The following UBR2 variants were observed in gnomAD, a reference collection of about 807,000 sequenced individuals.
UBR2 encodes E3 ubiquitin-protein ligase UBR2.
In UBR2, 92 loss-of-function variants were observed where a neutral mutation model predicts 247.9. The ratio of observed to expected loss-of-function variants is 0.37; its 90% confidence interval spans 0.31 to 0.44. UBR2 has a LOEUF of 0.44. Ranked by LOEUF, UBR2 falls within the 20% of genes least tolerant of loss-of-function variation. The pLI is 1.00. For missense variants in UBR2, 1,613 were observed against 2,112.6 expected, an observed-to-expected ratio of 0.76 and a Z score of 4.64; for synonymous variants, 672 against 693.5, an observed-to-expected ratio of 0.97 and a Z score of 0.49.
intron 8 of UBR2, among the ~76,000 whole-genome samples, chr6:42,613,017 C>T (rs4472340): frequency 0.25 from 37,501 of 152,040 alleles, 5,039 homozygotes; most frequent in East Asian, 0.45. Context: ...AGGAGAATCA[C>T]TTGAACCCAG....
chr6:42,614,375 T>TATATATCTATGTACGTACATACATAC (rs70990112), intron 8 of UBR2, among the ~76,000 whole-genome samples: 1 of 69,750 alleles, frequency 1.4e-5, no homozygotes, highest in Non-Finnish European at 3.0e-5. Flanking sequence ...TGTGTATGTG[T>TATATATCTATGTACGTACATACATAC]GTATATATGT....
rs377194303 is a variant in UBR2 at position 42,690,761 on chromosome 6, C to T, written c.5127-271C>T. Among the ~76,000 whole-genome samples, 160 of 152,268 alleles carry T rather than the reference C, an allele frequency of 1.1e-3. 1 individual carries two copies. The South Asian group carries it at 0.033, about 31-fold the overall frequency. ...GCCTCTCAACCCAGACCCTCCTTAT[C>T]CCCCGCAACCTCTATTCCCTCACCT... is the stretch of plus-strand genomic sequence containing the variant. On this transcript the variant is annotated intron_variant, in intron 46 of 46. Coordinates refer to ENST00000372901, the MANE Select transcript of UBR2 (RefSeq NM_001363705.2).
chr6:42,669,513 A>G (rs967363368), intron 34 of UBR2, among the ~76,000 whole-genome samples: 1 of 151,600 alleles, frequency 6.6e-6, no homozygotes, highest in African/African-American at 2.4e-5. Context: ...TGCTTTCTAC[A>G]TTGTCTCTGT....
intron 34 of UBR2, among the ~76,000 whole-genome samples, chr6:42,669,538 G>C (rs1369021308): frequency 1.3e-5 from 2 of 151,926 alleles, no homozygotes; most frequent in Non-Finnish European, 2.9e-5. Context: ...CCTGAGTTCT[G>C]TTTCTCTGCT....
intron 11 of UBR2, chr6:42,620,483 T>G (rs1176565740): frequency 1.1e-4 from 8 of 72,552 alleles, no homozygotes; most frequent in Non-Finnish European, 1.8e-4. Context: ...TAAGTGTTGT[T>G]TTTTTTTTTT....
chr6:42,571,340 A>G (rs1270163379), intron 1 of UBR2, among the ~76,000 whole-genome samples: 6 of 152,104 alleles, frequency 3.9e-5, no homozygotes, highest in Non-Finnish European at 5.9e-5. Flanking sequence ...GAATGGGAAC[A>G]TAAAATATAA....
intron 11 of UBR2, among the ~76,000 whole-genome samples, chr6:42,627,394 C>G (rs1462063589): frequency 6.6e-6 from 1 of 152,144 alleles, no homozygotes; most frequent in African/African-American, 2.4e-5. Context: ...GCCATAATTT[C>G]TAATCTAGTG....
At chr6:42,649,586 T>G (rs1458455097) in intron 22 of UBR2, among the ~76,000 whole-genome samples, 1 of 152,238 alleles carries the variant, frequency 6.6e-6, no homozygotes, top group Non-Finnish European at 1.5e-5. Flanking sequence ...TGCAACTTTG[T>G]CAACACTTTA....
At chr6:42,625,978 T>G (rs1021793447) in intron 11 of UBR2, among the ~76,000 whole-genome samples, 4 of 151,830 alleles carry the variant, frequency 2.6e-5, no homozygotes, top group African/African-American at 9.7e-5. Context: ...CATGCCTGGC[T>G]ATTTTTTTTG....
rs141788400 is a variant in UBR2, at chr6:42,655,902, T to C, written c.2872+179T>C. Among the ~76,000 whole-genome samples, 406 of 152,306 alleles carry C rather than the reference T, an allele frequency of 2.7e-3. 2 individuals are homozygous for C. Among genetic ancestry groups the C allele is most frequent in the African/African-American group, 9.4e-3 (391 of 41,570 alleles). The stretch of plus-strand genomic sequence containing the variant: ...ACTGTATTAAACCCTGATACATTTT[T>C]ATAAAAATATCTAGGGCTAAGTTCA... On this transcript the variant is annotated intron_variant, in intron 26 of 46. Coordinates refer to ENST00000372901, the MANE Select transcript of UBR2 (RefSeq NM_001363705.2).
At chr6:42,663,513 T>C in intron 32 of UBR2, 94 bp downstream of exon 32, 1 of 1,274,340 alleles carries the variant, frequency 7.8e-7, no homozygotes, top group Non-Finnish European at 1.1e-6. Flanking sequence ...GTCTAGGCAA[T>C]TGCATAGTGT....
intron 1 of UBR2, among the ~76,000 whole-genome samples, chr6:42,570,687 G>GTTTTAGTTTGTTTTTTTT (rs1791063821): frequency 6.7e-6 from 1 of 148,660 alleles, no homozygotes; most frequent in African/African-American, 2.5e-5. Flanking sequence ...TTTTTTTGTT[G>GTTTTAGTTTGTTTTTTTT]TTTGTTTGTT....
Position 42,652,585 on chromosome 6 carries a change from A to G in UBR2, c.2709A>G (p.Thr903=). 1 of 1,613,934 alleles carries G rather than the reference A, an allele frequency of 6.2e-7. No individual in the cohort carries two copies. The highest frequency in any genetic ancestry group is 8.5e-7 in the Non-Finnish European group (1 of 1,179,996). ...ATGTCATGTTGTGCATCATGGGAAC[A>G]ATTCTGCAATGGGCTGTGGAACATA... ...QSDVMLCIMG[T]ILQWAVEHNG... is the part of the protein sequence containing the mutation. Residue 903 remains threonine (T), a synonymous_variant, in exon 25 of 47, where the codon ACA becomes ACG. Coordinates refer to ENST00000372901, the MANE Select transcript of UBR2 (RefSeq NM_001363705.2).
At chr6:42,686,127 G>C (rs560598625) in intron 44 of UBR2, among the ~76,000 whole-genome samples, 5 of 151,798 alleles carry the variant, frequency 3.3e-5, no homozygotes, top group East Asian at 1.9e-4. Context: ...TTTCTCGGAG[G>C]GGGGGATTTG....
chr6:42,660,851 C>T (rs2151974907), intron 30 of UBR2, among the ~76,000 whole-genome samples: 1 of 151,972 alleles, frequency 6.6e-6, no homozygotes, highest in Admixed American at 6.5e-5. Context: ...CCTGTAGTCC[C>T]AGCTACTCAA....
At chr6:42,672,491 C>T (rs1458102274) in intron 36 of UBR2, among the ~76,000 whole-genome samples, 2 of 152,028 alleles carry the variant, frequency 1.3e-5, no homozygotes, top group Admixed American at 1.3e-4. Context: ...TTCTCTAATA[C>T]GTTATTAGAG....
intron 36 of UBR2, 24 bp downstream of exon 36, chr6:42,670,739 C>T: frequency 6.3e-7 from 1 of 1,591,446 alleles, no homozygotes; most frequent in Non-Finnish European, 8.6e-7. Flanking sequence ...TTATTCAGTT[C>T]ATGATAGTGG....
intron 43 of UBR2, 23 bp from the exon 44 acceptor site, chr6:42,684,771 T>C: frequency 6.4e-7 from 1 of 1,573,114 alleles, no homozygotes; most frequent in Non-Finnish European, 8.7e-7. Flanking sequence ...TGGAGTGTTC[T>C]TTAATTTTTC....
chr6:42,569,376 T>C (rs1211074458), intron 1 of UBR2, among the ~76,000 whole-genome samples: 1 of 152,182 alleles, frequency 6.6e-6, no homozygotes, highest in Non-Finnish European at 1.5e-5. Flanking sequence ...TGCCTTCTCA[T>C]TGTGGTTTTG....
Sources: allele counts gnomAD v4.1 joint callset (sites outside exome capture counted in the v4.1 genomes callset), GRCh38; gene constraint gnomAD v4.1.1; transcripts MANE v1.5; gene names NCBI Gene and HGNC (gene_info 2026-07-23, HGNC 2026-07-21).